Variants in MSLN observed in about 807,000 individuals in gnomAD.
MSLN encodes the protein mesothelin.
A neutral mutation model predicts 72.6 loss-of-function variants in MSLN; 82 were observed. That is an observed-to-expected ratio of 1.13 (90% CI 0.94 to 1.36). The LOEUF (loss-of-function observed/expected upper bound fraction) is 1.36. Among genes scored for constraint, MSLN ranks in the 40% most tolerant of loss-of-function variants. The pLI is 0.00. For missense variants in MSLN, 1,005 were observed against 847.9 expected (o/e 1.19, Z -2.30); for synonymous variants, 456 against 387.3 (o/e 1.18, Z -2.08).
At chr16:768,164 C>G (rs868777860) in intron 16 of MSLN, among the ~76,000 whole-genome samples, 2 of 150,068 alleles carry the variant, frequency 1.3e-5, no homozygotes, top group African/African-American at 4.9e-5. Context: ...TGCAGTGGGG[C>G]GAGGCCTTAG....
Position 765,547 on chromosome 16 carries a change from T to A in MSLN, c.725T>A (p.Val242Asp). 6.2e-7 allele frequency: 1 copy of A among 1,606,972 alleles called. No homozygotes were observed. Residue 242 changes from valine to aspartate, a missense_variant, in exon 10 of 18, where the codon GTC becomes GAC. Physicochemically the swap from Val to Asp is radical, Grantham distance 152. Coordinates refer to ENST00000545450, the MANE Select transcript of MSLN (RefSeq NM_005823.6). ...PPYGPPSTWS[V>D]STMDALRGLL... ...CACAGCCCCCCGTCGACATGGTCTGTCTCCACGATGGACGCTCTGCGGGGC... is the reference window on the plus strand; with the variant it reads ...CACAGCCCCCCGTCGACATGGTCTGACTCCACGATGGACGCTCTGCGGGGC...
rs370859558 is a variant in MSLN, at chr16:767,370, G to T, written c.1502-6G>T. 3.1e-6 allele frequency: 5 copies of T among 1,610,716 alleles called. No individual in the cohort carries two copies. In the African/African-American group the frequency reaches 5.4e-5, roughly 17 times the overall value. On this transcript the variant is annotated splice_polypyrimidine_tract_variant and splice_region_variant and intron_variant, in intron 15 of 17. Coordinates refer to ENST00000545450, the MANE Select transcript of MSLN (RefSeq NM_005823.6). ...CCTCAGCTCGGGCCCCTCTCCCGGC[G>T]GGCAGGTGGGGCCCCCACGGAGGAT...
Position 762,758 on chromosome 16 carries a change from C to T in MSLN, c.78C>T (p.Phe26=). 1 of 1,591,776 alleles carries T rather than the reference C, an allele frequency of 6.3e-7. No individual in the cohort carries two copies. The highest frequency in any genetic ancestry group is 8.5e-7 in the Non-Finnish European group (1 of 1,170,948). ...PALGSLLFLL[F]SLGWVQPSRT... ...TCGGCAGCCTCCTGTTCCTGCTCTT[C>T]AGCCTCGGTGCGTACTTGATGGGGC... The change falls in exon 3 of 18, where the codon TTC becomes TTT. Residue 26 remains phenylalanine, a synonymous_variant. Transcript: ENST00000545450.
chr16:762,189 C>T (rs1321743297), intron 2 of MSLN, among the ~76,000 whole-genome samples: 1 of 152,222 alleles, frequency 6.6e-6, no homozygotes, highest in Non-Finnish European at 1.5e-5. Flanking sequence ...CAGTGCCCCT[C>T]CTGCCTCAAG....
In MSLN at chr16:766,789, C is replaced by G; in HGVS notation, c.1352C>G (p.Ser451Cys). Residue 451 changes from serine to cysteine, a missense_variant, in exon 14 of 18, where the codon TCC becomes TGC. Physicochemically the swap from Ser to Cys is moderately radical, Grantham distance 112. Transcript: ENST00000545450. Reference protein sequence around the residue: ...LCSLSPEELSSVPPSSIWAVR... With the variant: ...LCSLSPEELSCVPPSSIWAVR... ...TCCCTCAGCCCCGAGGAGCTGAGCTCCGTGCCCCCCAGCAGCATCTGGTGA... is the reference window on the plus strand; with the variant it reads ...TCCCTCAGCCCCGAGGAGCTGAGCTGCGTGCCCCCCAGCAGCATCTGGTGA... The G allele has an allele frequency of 6.2e-7, 1 of 1,612,586 alleles. No individual in the cohort carries two copies. The highest frequency in any genetic ancestry group is 8.5e-7 in the Non-Finnish European group (1 of 1,179,880).
In MSLN at chr16:763,274, C is replaced by A. The variant is rs758291303; in HGVS notation, c.127C>A (p.Gln43Lys). The part of the protein sequence containing the change: ...PSRTLAGETG[Q>K]EAAPLDGVLA... ...GAGGACCCTGGCTGGAGAGACAGGG[C>A]AGGTAAGGTCCCCTCTGGGGAAACA... Residue 43 changes from glutamine (Q) to lysine (K), a missense_variant and splice_region_variant, in exon 4 of 18, where the codon CAG becomes AAG. Physicochemically the swap from Gln to Lys is moderately conservative, Grantham distance 53 (BLOSUM62 1). Coordinates refer to ENST00000545450, the MANE Select transcript of MSLN (RefSeq NM_005823.6). The A allele has an allele frequency of 6.5e-7, 1 of 1,542,564 alleles. No homozygotes were observed. The highest frequency in any genetic ancestry group is 8.7e-7 in the Non-Finnish European group (1 of 1,145,086).
intron 16 of MSLN, 54 bp downstream of exon 16, chr16:767,524 G>A (rs567257173): frequency 5.2e-6 from 6 of 1,143,312 alleles, no homozygotes; most frequent in East Asian, 6.5e-5. Flanking sequence ...GAGGAGGGGC[G>A]AGTGGGAGGA....
intron 3 of MSLN, 87 bp downstream of exon 3, chr16:762,852 G>T: frequency 8.7e-7 from 1 of 1,154,986 alleles, no homozygotes. Flanking sequence ...GCCTGCCCCT[G>T]CCTTCTCCCT....
intron 3 of MSLN, 82 bp from the exon 4 acceptor site, chr16:763,151 G>C (rs1285066082): frequency 2.2e-5 from 21 of 939,406 alleles, no homozygotes; most frequent in African/African-American, 3.3e-5. Context: ...GGGCGGCCAG[G>C]CTCTGCCTCC....
chr16:767,149 G>A (rs1012274848), intron 15 of MSLN, 137 bp downstream of exon 15: 15 of 1,424,440 alleles, frequency 1.1e-5, no homozygotes, highest in East Asian at 9.3e-5. Context: ...TCTGCCCCCC[G>A]GGGTGTGTAT....
chr16:765,865 C>T lies in MSLN; in HGVS notation c.895+75C>T, dbSNP rs529929359. On this transcript the variant is annotated intron_variant, in intron 11 of 17. Coordinates refer to ENST00000545450, the MANE Select transcript of MSLN (RefSeq NM_005823.6). ...GGGGGTGGGCATCACTTTAGGGTCTCACCTGCCCCTCCCTGGCTCTGCAGC... is the reference window on the plus strand; with the variant it reads ...GGGGGTGGGCATCACTTTAGGGTCTTACCTGCCCCTCCCTGGCTCTGCAGC... The T allele has an allele frequency of 5.1e-5, 74 of 1,436,964 alleles. No homozygotes were observed. In the South Asian group the frequency reaches 8.4e-4, roughly 16 times the overall value. 89.0% of individuals were successfully genotyped at this position (1,436,964 alleles called of 1,614,324 possible).
Position 765,289 on chromosome 16 carries a change from G to C in MSLN, c.690G>C (p.Gly230=), listed in dbSNP as rs914170169. 3.9e-5 allele frequency: 61 copies of C among 1,578,916 alleles called. No individual in the cohort carries two copies. Among genetic ancestry groups the C allele is most frequent in the Non-Finnish European group, 4.3e-5 (50 of 1,169,200 alleles). The part of the protein sequence containing the change: ...QEAARAALQG[G]GPPYGPPSTW... ...CAGCCAGGGCGGCTCTGCAGGGCGG[G>C]GGACCCCCCTACGGGTAAGTGAAGG... The change falls in exon 9 of 18, where the codon GGG becomes GGC. Residue 230 remains glycine, a synonymous_variant. Transcript: ENST00000545450.
intron 2 of MSLN, 45 bp from the exon 3 acceptor site, chr16:762,626 TG>T: frequency 4.9e-6 from 7 of 1,435,706 alleles, no homozygotes; most frequent in African/African-American, 1.4e-5. Flanking sequence ...GACAGAGGCG[TG>T]GGGTGGGAGC....
rs201626773 is a variant in MSLN, at chr16:766,732, C to A, written c.1295C>A (p.Thr432Asn). 5.0e-6 allele frequency: 8 copies of A among 1,612,676 alleles called. No individual in the cohort carries two copies. The highest frequency in any genetic ancestry group is 6.8e-6 in the Non-Finnish European group (8 of 1,179,922). ...RGQLDKDTLD[T>N]LTAFYPGYLC... ...CAGCTAGACAAAGACACCCTAGACA[C>A]CCTGACCGCCTTCTACCCTGGGTAC... The change falls in exon 14 of 18, where the codon ACC becomes AAC. Residue 432 changes from threonine (T) to asparagine (N), a missense_variant. Physicochemically the swap from Thr to Asn is moderately conservative, Grantham distance 65 (BLOSUM62 0). Transcript: ENST00000545450.
At position 762,822 on chromosome 16, in the gene MSLN, C is replaced by T. The variant is rs2041553437; in HGVS notation, c.85+57C>T. The stretch of plus-strand genomic sequence containing the variant: ...GGGACGGCCCAGGGGCCTTGGGGGC[C>T]AGGCCCCCAGCAAGGCTTTGCCTGC... On this transcript the variant is annotated intron_variant, in intron 3 of 17. Transcript: ENST00000545450. 1.0e-5 allele frequency: 14 copies of T among 1,400,318 alleles called. No homozygotes were observed. In the South Asian group the frequency reaches 1.7e-4, roughly 17 times the overall value. 86.7% of individuals were successfully genotyped at this position (1,400,318 alleles called of 1,614,324 possible).
chr16:767,491 G>A, intron 16 of MSLN, 21 bp downstream of exon 16: 1 of 1,567,564 alleles, frequency 6.4e-7, no homozygotes. Flanking sequence ...CGGGAGGAGG[G>A]GCGTGTGGAG....
chr16:765,840 G>C (rs2041600386), intron 11 of MSLN, 50 bp downstream of exon 11: 3 of 1,542,902 alleles, frequency 1.9e-6, no homozygotes, highest in African/African-American at 2.7e-5. Flanking sequence ...CAGCACCCCT[G>C]GGGGTGGGCA....
intron 7 of MSLN, 45 bp from the exon 8 acceptor site, chr16:764,861 AC>A: frequency 6.2e-7 from 1 of 1,602,364 alleles, no homozygotes; most frequent in Non-Finnish European, 8.5e-7. Context: ...CAGGGTGGGG[AC>A]GGGTGTGATC....
Position 767,493 on chromosome 16 carries a change from C to T in MSLN, c.1596+23C>T, listed in dbSNP as rs146634402. 3,498 of 1,265,272 alleles carry T rather than the reference C, an allele frequency of 2.8e-3. 121 individuals are homozygous for T. In the Admixed American group the frequency reaches 0.047, roughly 17 times the overall value. The allele number at this position is 1,265,272 out of a possible 1,614,324, so 78.4% of individuals were successfully genotyped here. On this transcript the variant is annotated intron_variant, in intron 16 of 17. Transcript: ENST00000545450. ...CTGGTATGGCGAGCGGGAGGAGGGG[C>T]GTGTGGAGGAGGGGCCCGTGGAGGA...
Sources: gnomAD v4.1 joint callset for allele counts (sites outside exome capture counted in the v4.1 genomes callset) on GRCh38, gnomAD v4.1.1 for gene constraint, MANE v1.5 for transcripts, NCBI Gene and HGNC (gene_info 2026-07-23, HGNC 2026-07-21) for gene names.